The following LRRC7 variants were observed in gnomAD, a reference collection of about 807,000 sequenced individuals.
The protein encoded by LRRC7 is leucine rich repeat containing 7.
Under a neutral mutation model 175.7 loss-of-function variants are expected in LRRC7, and 23 were observed. The ratio of observed to expected loss-of-function variants is 0.13; its 90% CI spans 0.09 to 0.19. The LOEUF is 0.19. LRRC7 is among the 10% of genes least tolerant of loss of function. The probability of loss-of-function intolerance (pLI) is 1.00; values close to 1 mark genes in which losing one functional copy is unlikely to be tolerated. For synonymous variants in LRRC7, 685 were observed against 680.9 expected (o/e 1.01, Z -0.09); for missense variants, 1,354 against 1,904.7 (o/e 0.71, Z 5.38).
chr1:69,591,394 C>T (rs1646628919), intron 1 of LRRC7, among the ~76,000 whole-genome samples: 1 of 152,024 alleles, frequency 6.6e-6, no homozygotes, highest in Non-Finnish European at 1.5e-5. Flanking sequence ...GAATAAGAAG[C>T]TATTTGACAG....
At chr1:69,906,691 C>T (rs987988948) in intron 7 of LRRC7, among the ~76,000 whole-genome samples, 133 of 152,072 alleles carry the variant, frequency 8.7e-4, no homozygotes, top group Non-Finnish European at 1.6e-3. Context: ...AGTCAGGTAG[C>T]GTGATGCCTC....
chr1:69,589,664 C>T (rs368197317), intron 1 of LRRC7, among the ~76,000 whole-genome samples: 3 of 152,136 alleles, frequency 2.0e-5, no homozygotes, highest in Admixed American at 6.6e-5. Context: ...CTGCCATACC[C>T]ACCCTGAACT....
intron 7 of LRRC7, among the ~76,000 whole-genome samples, chr1:69,884,543 C>A (rs1192716962): frequency 2.9e-5 from 4 of 136,192 alleles, no homozygotes; most frequent in Non-Finnish European, 6.1e-5. Flanking sequence ...TCTAGATATA[C>A]AATCATGTCG....
In LRRC7 at chr1:69,591,430, A is replaced by G. The variant is rs994717800; in HGVS notation, c.2+22789A>G. Among the ~76,000 whole-genome samples the G allele has an allele frequency of 2.6e-5, 4 of 152,054 alleles. No individual in the cohort carries two copies. The East Asian group carries it at 7.7e-4, about 29-fold the overall frequency. ...AACAGTGGTTTCCTCATAGATGTCA[A>G]GAGGAAAAATCTCTCTGCCCTGCAA... is the stretch of plus-strand genomic sequence containing the variant. On this transcript the variant is annotated intron_variant, in intron 1 of 26. Transcript: ENST00000651989.
intron 4 of LRRC7, among the ~76,000 whole-genome samples, chr1:69,812,397 C>T (rs899956458): frequency 6.6e-6 from 1 of 152,064 alleles, no homozygotes; most frequent in Non-Finnish European, 1.5e-5. Flanking sequence ...TAATGAATCA[C>T]TTTACAAAAT....
At chr1:69,726,648 G>T (rs1159075905) in intron 2 of LRRC7, among the ~76,000 whole-genome samples, 1 of 152,068 alleles carries the variant, frequency 6.6e-6, no homozygotes, top group African/African-American at 2.4e-5. Context: ...CTAAAGCCAA[G>T]GGTATAAATG....
chr1:70,076,244 A>G lies in LRRC7; in HGVS notation c.4398A>G (p.Gly1466=). Residue 1466 remains glycine, a synonymous_variant, in exon 24 of 27, where the codon GGA becomes GGG. Coordinates refer to ENST00000651989, the MANE Select transcript of LRRC7 (RefSeq NM_001370785.2). ...SSQATRGPQP[G]RCLIQTKGQR... ...AGGCCACCCGGGGACCTCAGCCTGG[A>G]CGGTGCTTAATTCAAACTAAAGGGC... 6.2e-7 allele frequency: 1 copy of G among 1,614,060 alleles called. No homozygotes were observed. The highest frequency in any genetic ancestry group is 8.5e-7 in the Non-Finnish European group (1 of 1,179,970).
chr1:69,964,604 A>G (rs1298227873), intron 8 of LRRC7, among the ~76,000 whole-genome samples: 1 of 152,180 alleles, frequency 6.6e-6, no homozygotes, highest in Non-Finnish European at 1.5e-5. Flanking sequence ...TTATATGTTC[A>G]TTGATAGATG....
At chr1:69,589,466 G>A (rs147547612) in intron 1 of LRRC7, among the ~76,000 whole-genome samples, 105 of 152,140 alleles carry the variant, frequency 6.9e-4, no homozygotes, top group African/African-American at 2.2e-3. Context: ...GAATCCAATC[G>A]GGAGTGAGTC....
intron 1 of LRRC7, among the ~76,000 whole-genome samples, chr1:69,627,561 A>G (rs1651800154): frequency 6.6e-6 from 1 of 152,116 alleles, no homozygotes; most frequent in South Asian, 2.1e-4. Context: ...TTTGCTGTGC[A>G]GAAGCTCTTT....
intron 8 of LRRC7, among the ~76,000 whole-genome samples, chr1:69,967,575 G>A (rs534405448): frequency 6.6e-5 from 10 of 152,240 alleles, no homozygotes; most frequent in South Asian, 4.1e-4. Context: ...CACCTCCACC[G>A]GAGCAGGTGC....
chr1:69,572,558 A>G lies in LRRC7; in HGVS notation c.2+3917A>G, dbSNP rs72934502. On this transcript the variant is annotated intron_variant, in intron 1 of 26. Transcript: ENST00000651989. Reference sequence around the variant, plus strand: ...TTTTTTCTTTATGTGGCTTTTAACCATGTTATTTATGTGACTCAGGTTTGA... The same window carrying G: ...TTTTTTCTTTATGTGGCTTTTAACCGTGTTATTTATGTGACTCAGGTTTGA... 5.5e-3 allele frequency among the ~76,000 whole-genome samples: 843 copies of G among 152,238 alleles called. 4 individuals are homozygous for G. Among genetic ancestry groups the G allele is most frequent in the African/African-American group, 0.019 (796 of 41,562 alleles).
chr1:69,942,422 A>G (rs990249236), intron 8 of LRRC7, among the ~76,000 whole-genome samples: 3 of 152,062 alleles, frequency 2.0e-5, no homozygotes, highest in African/African-American at 7.2e-5. Context: ...TTACTTTTCT[A>G]TTTCTGAATG....
At chr1:70,092,033 C>T (rs1213953895) in intron 25 of LRRC7, among the ~76,000 whole-genome samples, 2 of 152,074 alleles carry the variant, frequency 1.3e-5, no homozygotes, top group Non-Finnish European at 2.9e-5. Context: ...GATCTAAAGA[C>T]ACTGACTGAC....
Position 69,906,918 on chromosome 1 carries a change from T to C in LRRC7, c.648-24589T>C, listed in dbSNP as rs564726724. Among the ~76,000 whole-genome samples, 5 of 152,300 alleles carry C rather than the reference T, an allele frequency of 3.3e-5. No individual in the cohort carries two copies. The East Asian group carries it at 9.7e-4, about 29-fold the overall frequency. ...CATGGAATGTTCTTCCATTTGTTTGTATCCTCTTTTATTTCATTGAGCAGT... is the reference window on the plus strand; with the variant it reads ...CATGGAATGTTCTTCCATTTGTTTGCATCCTCTTTTATTTCATTGAGCAGT... On this transcript the variant is annotated intron_variant, in intron 7 of 26. Coordinates refer to ENST00000651989, the MANE Select transcript of LRRC7 (RefSeq NM_001370785.2).
At position 69,760,084 on chromosome 1, in the gene LRRC7, T is replaced by C. The variant is rs951960169; in HGVS notation, c.101-107T>C. On this transcript the variant is annotated intron_variant, in intron 2 of 26. Coordinates refer to ENST00000651989, the MANE Select transcript of LRRC7 (RefSeq NM_001370785.2). ...GTGTGTGTCCTACTTTAAAGTATTC[T>C]AGACTGTATACCAAAATTAAATTTC... The C allele has an allele frequency of 3.6e-6, 4 of 1,122,632 alleles. No homozygotes were observed. In the African/African-American group the frequency reaches 6.3e-5, roughly 18 times the overall value. The allele number at this position is 1,122,632 out of a possible 1,614,324, so 69.5% of individuals were successfully genotyped here. A position where few individuals can be genotyped will look rare whatever the true frequency, so the allele number is the denominator to read the frequency against.
At chr1:69,765,326 A>G (rs1306430661) in intron 3 of LRRC7, among the ~76,000 whole-genome samples, 1 of 152,130 alleles carries the variant, frequency 6.6e-6, no homozygotes, top group African/African-American at 2.4e-5. Context: ...ATGCTGCAGT[A>G]AAAACAAATC....
In LRRC7 at chr1:69,781,733, A is replaced by AAGAAAGAAAG. The variant is rs1491193080; in HGVS notation, c.304-10307_304-10306insAAGAAAGAGA. Reference sequence around the variant, plus strand: ...AAAGAAAGAAAGAAAGAAAGAAAGAAAGAGAGAGAGAGAGAGAGAGAGAGA... The same window carrying AAGAAAGAAAG: ...AAAGAAAGAAAGAAAGAAAGAAAGAAAGAAAGAAAGAGAGAGAGAGAGAGAGAGAGAGAGA... On this transcript the variant is annotated intron_variant, in intron 3 of 26. Transcript: ENST00000651989. 7.6e-4 allele frequency among the ~76,000 whole-genome samples: 18 copies of AAGAAAGAAAG among 23,538 alleles called. 1 individual carries two copies. The highest frequency in any genetic ancestry group is 1.0e-3 in the African/African-American group (4 of 4,014). 15.4% of individuals were successfully genotyped at this position (23,538 alleles called of 152,430 possible).
rs536412126 is a variant in LRRC7 at position 70,117,534 on chromosome 1, GAC to G, written c.4621-4244_4621-4243del. ...TTTTCATGTCTAAATCATGAAAAGA[GAC>G]AATTAAAAAACATTTTGTGGCACAG... On this transcript the variant is annotated intron_variant, in intron 26 of 26. Coordinates refer to ENST00000651989, the MANE Select transcript of LRRC7 (RefSeq NM_001370785.2). Among the ~76,000 whole-genome samples, 13 of 152,068 alleles carry G rather than the reference GAC, an allele frequency of 8.5e-5. No individual in the cohort carries two copies. In the East Asian group the frequency reaches 2.5e-3, roughly 29 times the overall value.
Sources: gnomAD v4.1 joint callset for allele counts (sites outside exome capture counted in the v4.1 genomes callset) on GRCh38, gnomAD v4.1.1 for gene constraint, MANE v1.5 for transcripts, NCBI Gene and HGNC (gene_info 2026-07-23, HGNC 2026-07-21) for gene names.